The following BLOC1S2 variants were observed in gnomAD, a reference collection of about 807,000 sequenced individuals.
BLOC1S2 encodes the protein biogenesis of lysosomal organelles complex 1 subunit 2.
A neutral mutation model predicts 19.6 loss-of-function variants in BLOC1S2; 12 were observed. The observed-to-expected ratio is 0.61, with a 90% confidence interval of 0.39 to 0.99. The LOEUF (loss-of-function observed/expected upper bound fraction) is 0.99, where lower values mean the gene tolerates loss of function less well. Among genes scored for constraint, BLOC1S2 ranks in the 50% least tolerant of loss-of-function variants. BLOC1S2 has a pLI of 0.00. For missense variants in BLOC1S2, 142 were observed against 171.0 expected, an observed-to-expected ratio of 0.83 and a Z score of 0.95; for synonymous variants, 66 against 64.1, an observed-to-expected ratio of 1.03 and a Z score of -0.14.
intron 2 of BLOC1S2, among the ~76,000 whole-genome samples, chr10:100,283,182 T>G (rs1427806933): frequency 6.6e-6 from 1 of 152,226 alleles, no homozygotes; most frequent in African/African-American, 2.4e-5. Flanking sequence ...CTTCCATCCC[T>G]CAATATCTAC....
In BLOC1S2 at chr10:100,280,186, T is replaced by C. The variant is rs1303200233; in HGVS notation, c.335A>G (p.Glu112Gly). The C allele has an allele frequency of 1.9e-6, 3 of 1,613,242 alleles. No individual in the cohort carries two copies. In the African/African-American group the frequency reaches 4.0e-5, roughly 22 times the overall value. The change falls in exon 4 of 5, where the codon GAA becomes GGA. Residue 112 changes from glutamate to glycine, a missense_variant. Physicochemically the swap from Glu to Gly is moderately conservative, Grantham distance 98. This residue lies in a region of BLOC1S2 where 94 missense variants were observed against 141.3 expected (regional missense o/e 0.67). Transcript: ENST00000370372. ...CTGCTCAAGAGCTGCTACCTGCTCT[T>C]CAATGACATTGATCTGATCCAGATA... ...QPYLDQINVI[E>G]EQVAALEQAA...
rs1187127791 is a variant in BLOC1S2, at chr10:100,286,599, G to A, written c.55+6C>T. On this transcript the variant is annotated splice_donor_region_variant and intron_variant, in intron 1 of 4. Coordinates refer to ENST00000370372, the MANE Select transcript of BLOC1S2 (RefSeq NM_173809.5). ...CGGACGCTTCCTCCCCATCCATTCCGGGTACCTCGGGCGGGCTCATCACTC... is the reference window on the plus strand; with the variant it reads ...CGGACGCTTCCTCCCCATCCATTCCAGGTACCTCGGGCGGGCTCATCACTC... The A allele has an allele frequency of 6.2e-7, 1 of 1,612,754 alleles. No individual in the cohort carries two copies. Among genetic ancestry groups the A allele is most frequent in the Non-Finnish European group, 8.5e-7 (1 of 1,179,238 alleles).
intron 2 of BLOC1S2, among the ~76,000 whole-genome samples, chr10:100,285,449 A>G (rs1848210747): frequency 6.6e-6 from 1 of 152,074 alleles, no homozygotes; most frequent in African/African-American, 2.4e-5. Flanking sequence ...TTTAGTGGAG[A>G]CAGGATTTCG....
rs961993644 is a variant in BLOC1S2, at chr10:100,274,695, G to A, written c.*767C>T. On this transcript the variant is annotated 3_prime_UTR_variant, in exon 5 of 5. Transcript: ENST00000370372. Reference sequence around the variant, plus strand: ...CCCCCAAATCCTACATACACAGTAGGAAGGTATTTTATAAAATCCTTTATT... The same window carrying A: ...CCCCCAAATCCTACATACACAGTAGAAAGGTATTTTATAAAATCCTTTATT... 1.5e-5 allele frequency: 5 copies of A among 325,102 alleles called. No individual in the cohort carries two copies. Among genetic ancestry groups the A allele is most frequent in the Admixed American group, 1.5e-4 (3 of 20,486 alleles). 20.1% of individuals were successfully genotyped at this position (325,102 alleles called of 1,614,324 possible). A position where few individuals can be genotyped will look rare whatever the true frequency, so the allele number is the denominator to read the frequency against.
At chr10:100,283,376 C>T (rs749160499) in intron 2 of BLOC1S2, among the ~76,000 whole-genome samples, 5 of 152,230 alleles carry the variant, frequency 3.3e-5, no homozygotes, top group African/African-American at 4.8e-5. Context: ...AGGATGGAGT[C>T]GTGCTATGTT....
At chr10:100,283,599 T>G (rs1848162590) in intron 2 of BLOC1S2, among the ~76,000 whole-genome samples, 1 of 151,998 alleles carries the variant, frequency 6.6e-6, no homozygotes, top group African/African-American at 2.4e-5. Context: ...AGCTAGGCAT[T>G]GCGCCTCATG....
At chr10:100,285,293 G>A (rs1042173222) in intron 2 of BLOC1S2, among the ~76,000 whole-genome samples, 16 of 151,592 alleles carry the variant, frequency 1.1e-4, no homozygotes, top group African/African-American at 2.2e-4. Flanking sequence ...ACACTCTGTC[G>A]CCCAGGCTGG....
rs71828385 is a variant in BLOC1S2 at position 100,273,835 on chromosome 10, C to CA, written c.*1626dup. ...CAGGCGACAGAGCAAGACTTCATCT[C>CA]AAAAAAAAAAAAAAAATAGATCAAT... On this transcript the variant is annotated 3_prime_UTR_variant, in exon 5 of 5. Transcript: ENST00000370372. The CA allele has an allele frequency of 0.16, 15,179 of 93,454 alleles. 1,074 individuals are homozygous for CA. The highest frequency in any genetic ancestry group is 0.4 in the East Asian group (1,538 of 3,856). 5.8% of individuals were successfully genotyped at this position (93,454 alleles called of 1,614,324 possible). A position where few individuals can be genotyped will look rare whatever the true frequency, so the allele number is the denominator to read the frequency against.
At chr10:100,286,282 C>A in intron 1 of BLOC1S2, 69 bp from the exon 2 acceptor site, 1 of 1,553,532 alleles carries the variant, frequency 6.4e-7, no homozygotes, top group Non-Finnish European at 8.7e-7. Context: ...GCAGCCTGTT[C>A]CGACATCCCT....
In BLOC1S2 at chr10:100,274,107, A is replaced by G. The variant is rs568188697; in HGVS notation, c.*1355T>C. ...TGAGACTCCATCTGTATAAAAAATA[A>G]TTAGCAAGGCATGGTGGAGCGTGCT... On this transcript the variant is annotated 3_prime_UTR_variant, in exon 5 of 5. Coordinates refer to ENST00000370372, the MANE Select transcript of BLOC1S2 (RefSeq NM_173809.5). 2 of 152,278 alleles carry G rather than the reference A, an allele frequency of 1.3e-5. No homozygotes were observed. The highest frequency in any genetic ancestry group is 2.4e-5 in the African/African-American group (1 of 41,546). 9.4% of individuals were successfully genotyped at this position (152,278 alleles called of 1,614,324 possible).
Position 100,275,344 on chromosome 10 carries a change from T to C in BLOC1S2, c.*118A>G, listed in dbSNP as rs11813576. The C allele has an allele frequency of 1.7e-5, 18 of 1,056,232 alleles. No homozygotes were observed. The African/African-American group carries it at 2.2e-4, about 13-fold the overall frequency. 65.4% of individuals were successfully genotyped at this position (1,056,232 alleles called of 1,614,324 possible). The stretch of plus-strand genomic sequence containing the variant: ...CTCGAACGTTGAGATGTTCCTGTGA[T>C]GACCAGCATAATTTCCTTTTGAGGA... On this transcript the variant is annotated 3_prime_UTR_variant, in exon 5 of 5. Coordinates refer to ENST00000370372, the MANE Select transcript of BLOC1S2 (RefSeq NM_173809.5).
intron 4 of BLOC1S2, among the ~76,000 whole-genome samples, chr10:100,276,619 AGCCTGCCGAGT>A (rs2134349793): frequency 6.7e-6 from 1 of 149,888 alleles, no homozygotes; most frequent in East Asian, 2.0e-4. Context: ...CTCCTGCCTC[AGCCTGCCGAGT>A]GCCTGCGATT....
intron 1 of BLOC1S2, 74 bp from the exon 2 acceptor site, chr10:100,286,287 A>G (rs1485554443): frequency 6.5e-7 from 1 of 1,544,820 alleles, no homozygotes; most frequent in African/African-American, 1.4e-5. Flanking sequence ...CTGTTCCGAC[A>G]TCCCTCCACT....
In BLOC1S2 at chr10:100,286,654, C is replaced by T. The variant is rs780227252; in HGVS notation, c.6G>A (p.Ala2=). Reference sequence around the variant, plus strand: ...TCGCCAGTACGCCCTCGGCTGCCGCCGCCATAGCGGACCCCGCGCTGTTTC... The same window carrying T: ...TCGCCAGTACGCCCTCGGCTGCCGCTGCCATAGCGGACCCCGCGCTGTTTC... M[A]AAAEGVLATR... Residue 2 remains alanine (A), a synonymous_variant, in exon 1 of 5, where the codon GCG becomes GCA. Coordinates refer to ENST00000370372, the MANE Select transcript of BLOC1S2 (RefSeq NM_173809.5). 1.9e-6 allele frequency: 3 copies of T among 1,610,846 alleles called. No homozygotes were observed. The highest frequency in any genetic ancestry group is 4.5e-5 in the East Asian group (2 of 44,800).
At chr10:100,276,601 G>A (rs1312220611) in intron 4 of BLOC1S2, among the ~76,000 whole-genome samples, 2 of 150,410 alleles carry the variant, frequency 1.3e-5, no homozygotes, top group Non-Finnish European at 1.5e-5. Flanking sequence ...CAGCCTCCCT[G>A]CCTGATTCTC....
intron 4 of BLOC1S2, 176 bp downstream of exon 4, chr10:100,279,948 T>C (rs1848060554): frequency 7.4e-6 from 3 of 407,762 alleles, no homozygotes; most frequent in Non-Finnish European, 1.3e-5. Flanking sequence ...GTGCCTGATA[T>C]ATCATTAAGT....
rs1453221207 is a variant in BLOC1S2 at position 100,286,020 on chromosome 10, T to G, written c.172+77A>C. 3 of 1,566,418 alleles carry G rather than the reference T, an allele frequency of 1.9e-6. No homozygotes were observed. The East Asian group carries it at 6.8e-5, about 35-fold the overall frequency. ...AGGGCATGCAGGGTAGGAAGGGAGC[T>G]GCAGACTGATGCTGCTAACCATCTC... On this transcript the variant is annotated intron_variant, in intron 2 of 4. Coordinates refer to ENST00000370372, the MANE Select transcript of BLOC1S2 (RefSeq NM_173809.5).
rs1348267753 is a variant in BLOC1S2, at chr10:100,274,483, G to A, written c.*979C>T. On this transcript the variant is annotated 3_prime_UTR_variant, in exon 5 of 5. Transcript: ENST00000370372. ...TAAATGATGACTGTCTGGAACAGAG[G>A]GGAAATGACAGAAACAGAAGTAAGA... The A allele has an allele frequency of 6.5e-6, 1 of 152,714 alleles. No individual in the cohort carries two copies. Among genetic ancestry groups the A allele is most frequent in the African/African-American group, 2.4e-5 (1 of 41,436 alleles). The allele number at this position is 152,714 out of a possible 1,614,324, so 9.5% of individuals were successfully genotyped here.
intron 2 of BLOC1S2, 85 bp from the exon 3 acceptor site, chr10:100,281,138 A>C: frequency 6.6e-7 from 1 of 1,517,382 alleles, no homozygotes; most frequent in Non-Finnish European, 9.0e-7. Flanking sequence ...GTGGTAGTTC[A>C]AGGCAGGACC....
Sources: allele counts gnomAD v4.1 joint callset (sites outside exome capture counted in the v4.1 genomes callset), GRCh38; gene constraint gnomAD v4.1.1; regional missense constraint gnomAD v4.1.1; transcripts MANE v1.5; gene names NCBI Gene and HGNC (gene_info 2026-07-23, HGNC 2026-07-21).